Variants in SLAMF6 observed in about 807,000 individuals in gnomAD.
SLAMF6 encodes the protein NK-T-B-antigen.
In SLAMF6, 21 loss-of-function variants were observed where a neutral mutation model predicts 38.3. The observed-to-expected ratio is 0.55, with a 90% confidence interval of 0.39 to 0.79. The LOEUF is 0.79. Among genes scored for constraint, SLAMF6 ranks in the 30% least tolerant of loss-of-function variants. The pLI is 0.00. For missense variants in SLAMF6, 341 were observed against 385.3 expected (o/e 0.89, Z 0.96); for synonymous variants, 152 against 146.3 (o/e 1.04, Z -0.28).
At chr1:160,494,480 G>A (rs1169449394) in intron 2 of SLAMF6, among the ~76,000 whole-genome samples, 2 of 151,992 alleles carry the variant, frequency 1.3e-5, no homozygotes, top group Non-Finnish European at 2.9e-5. Context: ...GTTGAATAAT[G>A]ACCTCAGAAA....
chr1:160,487,234 T>C, intron 6 of SLAMF6, 59 bp from the exon 7 acceptor site: 1 of 1,410,476 alleles, frequency 7.1e-7, no homozygotes, highest in Non-Finnish European at 9.9e-7. Flanking sequence ...AATGCATAGA[T>C]ATATTCTTAG....
chr1:160,518,865 C>A (rs1393869823), intron 1 of SLAMF6, among the ~76,000 whole-genome samples: 1 of 151,986 alleles, frequency 6.6e-6, no homozygotes, highest in East Asian at 1.9e-4. Context: ...ACCACCAGGG[C>A]ACATGTTTAC....
In SLAMF6 at chr1:160,486,686, C is replaced by T; in HGVS notation, c.*21G>A. ...TCAGAAGACGTGTCATTCCCGAATT[C>T]CTCTGAGGCCTTTCAGCAACTTACA... On this transcript the variant is annotated 3_prime_UTR_variant, in exon 8 of 8. Coordinates refer to ENST00000368057, the MANE Select transcript of SLAMF6 (RefSeq NM_001184714.2). The T allele has an allele frequency of 6.2e-7, 1 of 1,612,080 alleles. No homozygotes were observed. Among genetic ancestry groups the T allele is most frequent in the Non-Finnish European group, 8.5e-7 (1 of 1,178,294 alleles).
chr1:160,495,394 T>C (rs1437394868), intron 2 of SLAMF6, among the ~76,000 whole-genome samples: 1 of 152,252 alleles, frequency 6.6e-6, no homozygotes, highest in African/African-American at 2.4e-5. Context: ...CATAATTTTA[T>C]GTTGATAACA....
chr1:160,510,550 A>G (rs1021640836), intron 1 of SLAMF6, among the ~76,000 whole-genome samples: 1 of 152,204 alleles, frequency 6.6e-6, no homozygotes, highest in African/African-American at 2.4e-5. Flanking sequence ...CCTTTTAAAT[A>G]AAAACACTTT....
intron 1 of SLAMF6, among the ~76,000 whole-genome samples, chr1:160,506,523 G>A (rs528193158): frequency 1.3e-5 from 2 of 152,268 alleles, no homozygotes; most frequent in African/African-American, 4.8e-5. Flanking sequence ...AAATACTAAA[G>A]GGAATCTTTC....
chr1:160,518,719 G>A (rs2102070416), intron 1 of SLAMF6, among the ~76,000 whole-genome samples: 1 of 151,770 alleles, frequency 6.6e-6, no homozygotes, highest in Admixed American at 6.6e-5. Flanking sequence ...TGAACAATGA[G>A]AACACATGGA....
intron 1 of SLAMF6, among the ~76,000 whole-genome samples, chr1:160,504,613 C>G (rs1173972531): frequency 2.0e-5 from 3 of 152,174 alleles, no homozygotes; most frequent in Non-Finnish European, 4.4e-5. Flanking sequence ...AGGAAAAGCA[C>G]TTGTCTTTGT....
intron 2 of SLAMF6, among the ~76,000 whole-genome samples, chr1:160,492,809 A>G (rs1276450775): frequency 1.3e-5 from 2 of 152,066 alleles, no homozygotes; most frequent in South Asian, 2.1e-4. Context: ...TCGCTGATTC[A>G]TATCTTCATC....
chr1:160,518,241 A>T (rs1056585793), intron 1 of SLAMF6, among the ~76,000 whole-genome samples: 1 of 152,100 alleles, frequency 6.6e-6, no homozygotes, highest in South Asian at 2.1e-4. Context: ...GCAATTATTT[A>T]GAAGTCAAGA....
chr1:160,504,017 C>CGA (rs1654049632), intron 1 of SLAMF6, among the ~76,000 whole-genome samples: 3 of 86,720 alleles, frequency 3.5e-5, no homozygotes, highest in Admixed American at 2.8e-4. Context: ...GACTCTATCT[C>CGA]AAAAAAAAAA....
At chr1:160,515,074 T>G (rs1225467167) in intron 1 of SLAMF6, among the ~76,000 whole-genome samples, 1 of 152,108 alleles carries the variant, frequency 6.6e-6, no homozygotes, top group Non-Finnish European at 1.5e-5. Flanking sequence ...AGAATCTGGT[T>G]TTTTGAAAAA....
intron 1 of SLAMF6, among the ~76,000 whole-genome samples, chr1:160,499,217 A>G (rs1653754572): frequency 6.6e-6 from 1 of 152,140 alleles, no homozygotes. Flanking sequence ...TATTTGATCC[A>G]TCTTGAGTTA....
At chr1:160,500,387 G>T (rs1653820677) in intron 1 of SLAMF6, among the ~76,000 whole-genome samples, 1 of 152,146 alleles carries the variant, frequency 6.6e-6, no homozygotes, top group South Asian at 2.1e-4. Context: ...TCCTTGAGCA[G>T]GCCAGGGCTT....
intron 1 of SLAMF6, among the ~76,000 whole-genome samples, chr1:160,503,336 G>T (rs1654011446): frequency 6.6e-6 from 1 of 152,072 alleles, no homozygotes; most frequent in Non-Finnish European, 1.5e-5. Context: ...GGCCAAGCTT[G>T]GTTGACACGC....
chr1:160,511,389 A>G (rs1654465934), intron 1 of SLAMF6, among the ~76,000 whole-genome samples: 1 of 152,228 alleles, frequency 6.6e-6, no homozygotes, highest in Non-Finnish European at 1.5e-5. Flanking sequence ...TCTATATGAA[A>G]TTAAATTGAG....
At chr1:160,497,198 A>G (rs1379286002) in intron 1 of SLAMF6, among the ~76,000 whole-genome samples, 1 of 152,204 alleles carries the variant, frequency 6.6e-6, no homozygotes, top group East Asian at 1.9e-4. Flanking sequence ...TCAAAGTAAC[A>G]CATGATGGCC....
chr1:160,494,775 A>G (rs1653485557), intron 2 of SLAMF6, among the ~76,000 whole-genome samples: 1 of 152,152 alleles, frequency 6.6e-6, no homozygotes, highest in Non-Finnish European at 1.5e-5. Flanking sequence ...GGCAAAGAGC[A>G]GATTGCCCGC....
intron 1 of SLAMF6, among the ~76,000 whole-genome samples, chr1:160,496,647 G>T (rs571879074): frequency 1.3e-5 from 2 of 152,210 alleles, no homozygotes; most frequent in East Asian, 3.9e-4. Flanking sequence ...GTCCACGCTG[G>T]GTCCTACACT....
Sources: gnomAD v4.1 joint callset for allele counts (sites outside exome capture counted in the v4.1 genomes callset) on GRCh38, gnomAD v4.1.1 for gene constraint, MANE v1.5 for transcripts, NCBI Gene and HGNC (gene_info 2026-07-23, HGNC 2026-07-21) for gene names.